The following BBS9 variants were observed in gnomAD, a reference collection of about 807,000 sequenced individuals.
The protein encoded by BBS9 is protein PTHB1.
In BBS9, 89 loss-of-function variants were observed where a neutral mutation model predicts 117.7. That is an observed-to-expected ratio of 0.76 (90% CI 0.64 to 0.90). The LOEUF (loss-of-function observed/expected upper bound fraction) is 0.90, where lower values mean the gene tolerates loss of function less well. BBS9 is among the 40% of genes least tolerant of loss of function. BBS9 has a pLI of 0.00. For missense variants in BBS9, 982 were observed against 1,042.2 expected (o/e 0.94, Z 0.80); for synonymous variants, 379 against 370.9 (o/e 1.02, Z -0.25).
At chr7:33,330,874 G>A (rs1813897623) in intron 9 of BBS9, among the ~76,000 whole-genome samples, 2 of 152,164 alleles carry the variant, frequency 1.3e-5, no homozygotes, top group South Asian at 4.1e-4. Flanking sequence ...TGTTAATGAT[G>A]CTTTTAAGAC....
intron 5 of BBS9, among the ~76,000 whole-genome samples, chr7:33,215,765 T>C (rs1360397378): frequency 1.3e-5 from 2 of 152,188 alleles, no homozygotes; most frequent in Non-Finnish European, 2.9e-5. Flanking sequence ...AGGACAAATA[T>C]TACATATTCT....
At chr7:33,212,879 G>A (rs1472110060) in intron 5 of BBS9, among the ~76,000 whole-genome samples, 1 of 152,070 alleles carries the variant, frequency 6.6e-6, no homozygotes, top group East Asian at 1.9e-4. Context: ...CTCTCTCTCT[G>A]TGCTGAGCCA....
chr7:33,574,684 A>T (rs866609168), intron 21 of BBS9, among the ~76,000 whole-genome samples: 1 of 137,568 alleles, frequency 7.3e-6, no homozygotes, highest in Non-Finnish European at 1.6e-5. Context: ...AGTCATAGAA[A>T]ACACACACAC....
intron 18 of BBS9, among the ~76,000 whole-genome samples, chr7:33,387,435 A>G (rs1418864209): frequency 6.6e-6 from 1 of 151,510 alleles, no homozygotes; most frequent in African/African-American, 2.4e-5. Flanking sequence ...TATTGCTGTT[A>G]TTTTTTGCAG....
intron 19 of BBS9, among the ~76,000 whole-genome samples, chr7:33,488,124 T>G (rs1042057484): frequency 2.0e-5 from 3 of 152,196 alleles, no homozygotes; most frequent in South Asian, 2.1e-4. Flanking sequence ...TCCAGCCAAC[T>G]GTATTCATGC....
intron 21 of BBS9, among the ~76,000 whole-genome samples, chr7:33,577,904 G>A (rs990203132): frequency 6.6e-6 from 1 of 152,066 alleles, no homozygotes; most frequent in Non-Finnish European, 1.5e-5. Flanking sequence ...GCCTGATGGG[G>A]GATTGAGGAG....
intron 4 of BBS9, among the ~76,000 whole-genome samples, chr7:33,175,881 T>G (rs1432466461): frequency 6.6e-6 from 1 of 152,200 alleles, no homozygotes; most frequent in African/African-American, 2.4e-5. Flanking sequence ...AAAAGGGTAG[T>G]TGGACCTTGG....
At chr7:33,529,104 C>G (rs2129053561) in intron 20 of BBS9, among the ~76,000 whole-genome samples, 1 of 152,266 alleles carries the variant, frequency 6.6e-6, no homozygotes, top group Middle Eastern at 3.4e-3. Flanking sequence ...CTAGGCAAGG[C>G]CAGGTCCTTG....
At chr7:33,147,040 G>A (rs921527087) in intron 2 of BBS9, among the ~76,000 whole-genome samples, 12 of 152,088 alleles carry the variant, frequency 7.9e-5, no homozygotes, top group African/African-American at 2.9e-4. Context: ...ATTGGACCTG[G>A]AAACCATTCA....
intron 2 of BBS9, among the ~76,000 whole-genome samples, chr7:33,151,659 C>T (rs1381442985): frequency 6.6e-6 from 1 of 151,804 alleles, no homozygotes; most frequent in Non-Finnish European, 1.5e-5. Flanking sequence ...CAGCGATTCT[C>T]CTGCCTCAGC....
At chr7:33,569,850 G>T (rs376418695) in intron 21 of BBS9, among the ~76,000 whole-genome samples, 2 of 152,184 alleles carry the variant, frequency 1.3e-5, no homozygotes, top group Admixed American at 6.5e-5. Context: ...ATATTCCCTA[G>T]CTCTGTCTGA....
At chr7:33,558,526 G>A (rs552232344) in intron 21 of BBS9, among the ~76,000 whole-genome samples, 5 of 152,250 alleles carry the variant, frequency 3.3e-5, no homozygotes, top group African/African-American at 4.8e-5. Flanking sequence ...GTGAGATGGC[G>A]TTTGTAAGGT....
intron 6 of BBS9, among the ~76,000 whole-genome samples, chr7:33,260,692 A>G (rs1230224388): frequency 6.6e-6 from 1 of 152,222 alleles, no homozygotes; most frequent in African/African-American, 2.4e-5. Flanking sequence ...CTCAAATAGT[A>G]TTCAAGGAGG....
At chr7:33,419,138 T>C (rs1006487320) in intron 19 of BBS9, among the ~76,000 whole-genome samples, 7 of 152,248 alleles carry the variant, frequency 4.6e-5, no homozygotes, top group South Asian at 2.1e-4. Flanking sequence ...GCTCAAACTG[T>C]AGTAAGGTCT....
At chr7:33,267,006 G>A (rs1362767798) in intron 7 of BBS9, among the ~76,000 whole-genome samples, 1 of 152,094 alleles carries the variant, frequency 6.6e-6, no homozygotes, top group Non-Finnish European at 1.5e-5. Flanking sequence ...GCCTCCCAAA[G>A]TGCTAGGATT....
At chr7:33,341,671 CA>C (rs1816599583) in intron 11 of BBS9, among the ~76,000 whole-genome samples, 1 of 151,998 alleles carries the variant, frequency 6.6e-6, no homozygotes, top group African/African-American at 2.4e-5. Flanking sequence ...ATGATTATCA[CA>C]ACCATCTATG....
intron 4 of BBS9, among the ~76,000 whole-genome samples, chr7:33,155,913 G>A (rs1794035127): frequency 6.6e-6 from 1 of 152,058 alleles, no homozygotes; most frequent in Non-Finnish European, 1.5e-5. Context: ...CTGTGTATAT[G>A]TATCTTTCTA....
chr7:33,586,117 C>T (rs985764274), intron 21 of BBS9, among the ~76,000 whole-genome samples: 6 of 151,844 alleles, frequency 4.0e-5, no homozygotes, highest in Non-Finnish European at 7.4e-5. Flanking sequence ...GTAATTTGCC[C>T]GGGAGCTAAC....
Position 33,556,116 on chromosome 7 carries a change from A to G in BBS9, c.2521+21940A>G, listed in dbSNP as rs143231385. ...TGTCACTAAGTGATTTCCTTGAGACACAGCCTCATTTCTTATGGTTAATTC... is the reference window on the plus strand; with the variant it reads ...TGTCACTAAGTGATTTCCTTGAGACGCAGCCTCATTTCTTATGGTTAATTC... On this transcript the variant is annotated intron_variant, in intron 21 of 22. Transcript: ENST00000242067. Among the ~76,000 whole-genome samples the G allele has an allele frequency of 1.2e-3, 179 of 152,356 alleles. 1 individual carries two copies. Among genetic ancestry groups the G allele is most frequent in the African/African-American group, 4.2e-3 (176 of 41,586 alleles).
Sources: allele counts gnomAD v4.1 joint callset (sites outside exome capture counted in the v4.1 genomes callset), GRCh38; gene constraint gnomAD v4.1.1; transcripts MANE v1.5; gene names NCBI Gene and HGNC (gene_info 2026-07-23, HGNC 2026-07-21).